ELP4: variants seen among roughly 807,000 people sequenced by gnomAD.
ELP4 encodes the protein elongator acetyltransferase complex subunit 4, also known as elongator complex protein 4.
ELP4 carries 51 observed loss-of-function variants against 48.9 expected under a neutral mutation model. The ratio of observed to expected loss-of-function variants is 1.04; its 90% CI spans 0.83 to 1.32. The LOEUF (loss-of-function observed/expected upper bound fraction) is 1.32. ELP4 is among the 40% of genes most tolerant of loss of function. The pLI is 0.00. For synonymous variants in ELP4, 210 were observed against 189.2 expected (o/e 1.11, Z -0.90); for missense variants, 519 against 514.6 (o/e 1.01, Z -0.08).
At chr11:31,765,309 A>T (rs1320893535) in intron 9 of ELP4, among the ~76,000 whole-genome samples, 1 of 152,194 alleles carries the variant, frequency 6.6e-6, no homozygotes, top group East Asian at 1.9e-4. Flanking sequence ...ATTGCTCCTT[A>T]TGATGCCTCT....
At chr11:31,566,592 C>A (rs898511447) in intron 3 of ELP4, among the ~76,000 whole-genome samples, 1 of 152,100 alleles carries the variant, frequency 6.6e-6, no homozygotes, top group Non-Finnish European at 1.5e-5. Flanking sequence ...ACACCATAAT[C>A]GGGTAAAATA....
chr11:31,745,434 T>A (rs920712255), intron 9 of ELP4, among the ~76,000 whole-genome samples: 23 of 152,150 alleles, frequency 1.5e-4, no homozygotes, highest in African/African-American at 5.3e-4. Context: ...CTTCGCCAAG[T>A]CAATCCTAAG....
At chr11:31,536,878 A>T (rs1248668023) in intron 2 of ELP4, among the ~76,000 whole-genome samples, 1 of 152,210 alleles carries the variant, frequency 6.6e-6, no homozygotes, top group African/African-American at 2.4e-5. Flanking sequence ...TATTCTGGAT[A>T]CCAGTCCTCT....
chr11:31,697,398 C>T (rs1057179860), intron 9 of ELP4, among the ~76,000 whole-genome samples: 2 of 151,980 alleles, frequency 1.3e-5, no homozygotes, highest in Non-Finnish European at 2.9e-5. Context: ...AAGAGGAAAG[C>T]CTCTTTTTTG....
At chr11:31,741,205 A>C (rs867963040) in intron 9 of ELP4, among the ~76,000 whole-genome samples, 1 of 152,172 alleles carries the variant, frequency 6.6e-6, no homozygotes, top group Non-Finnish European at 1.5e-5. Context: ...GGCGCCCGCC[A>C]TAGCCGAGTT....
At chr11:31,532,536 C>T (rs557455219) in intron 2 of ELP4, among the ~76,000 whole-genome samples, 10 of 152,040 alleles carry the variant, frequency 6.6e-5, no homozygotes, top group South Asian at 4.2e-4. Context: ...TAATTATCTA[C>T]GAGTACATAT....
At chr11:31,624,046 A>G (rs6484518) in intron 5 of ELP4, among the ~76,000 whole-genome samples, 91,908 of 151,570 alleles carry the variant, frequency 0.61, 31,625 homozygotes, top group Non-Finnish European at 0.76. Flanking sequence ...ACTGTTATCA[A>G]AAAGACAAAA....
intron 9 of ELP4, among the ~76,000 whole-genome samples, chr11:31,739,809 A>G (rs1300001094): frequency 6.6e-6 from 1 of 152,224 alleles, no homozygotes; most frequent in African/African-American, 2.4e-5. Flanking sequence ...TCAGACCACA[A>G]GGAAGTCCAT....
intron 9 of ELP4, among the ~76,000 whole-genome samples, chr11:31,750,460 C>T (rs1203364017): frequency 2.0e-5 from 3 of 152,006 alleles, no homozygotes; most frequent in African/African-American, 4.8e-5. Context: ...TTCCCTGTCA[C>T]GGTGGTCTTT....
chr11:31,559,290 C>T (rs1409272045), intron 3 of ELP4, among the ~76,000 whole-genome samples: 1 of 152,180 alleles, frequency 6.6e-6, no homozygotes, highest in Admixed American at 6.5e-5. Context: ...AAACTGACAC[C>T]TGCAGCAAGT....
At chr11:31,649,137 A>T (rs1266582995) in intron 8 of ELP4, 3 of 151,690 alleles carry the variant, frequency 2.0e-5, no homozygotes, top group Admixed American at 6.6e-5. Context: ...GGCCATTTCT[A>T]AAGCTAAGTA....
At chr11:31,762,267 G>T (rs1404888660) in intron 9 of ELP4, among the ~76,000 whole-genome samples, 1 of 152,058 alleles carries the variant, frequency 6.6e-6, no homozygotes, top group African/African-American at 2.4e-5. Flanking sequence ...CTGAGATTGA[G>T]GCAAAGTAGT....
chr11:31,530,883 C>T (rs1255256102), intron 2 of ELP4, among the ~76,000 whole-genome samples: 4 of 152,090 alleles, frequency 2.6e-5, no homozygotes, highest in South Asian at 2.1e-4. Flanking sequence ...GGTTGGTTGA[C>T]TACTGTGGAA....
intron 3 of ELP4, among the ~76,000 whole-genome samples, chr11:31,563,250 A>G (rs953918406): frequency 2.6e-5 from 4 of 152,148 alleles, no homozygotes; most frequent in Non-Finnish European, 5.9e-5. Flanking sequence ...AGAGAGGAGT[A>G]TGATGCCCAT....
At chr11:31,575,244 A>C (rs1228512204) in intron 3 of ELP4, among the ~76,000 whole-genome samples, 1 of 152,218 alleles carries the variant, frequency 6.6e-6, no homozygotes, top group East Asian at 1.9e-4. Context: ...TAGAGAAAAA[A>C]GACTAAAAAG....
At chr11:31,777,478 T>G (rs1213026498) in intron 9 of ELP4, among the ~76,000 whole-genome samples, 1 of 152,250 alleles carries the variant, frequency 6.6e-6, no homozygotes, top group Non-Finnish European at 1.5e-5. Context: ...AGTGAATGCT[T>G]CTGGATGGTG....
chr11:31,759,240 C>G (rs1947895738), intron 9 of ELP4, among the ~76,000 whole-genome samples: 1 of 152,164 alleles, frequency 6.6e-6, no homozygotes, highest in African/African-American at 2.4e-5. Context: ...CTTTCCCACA[C>G]ATATTTCCTT....
rs770011507 is a variant in ELP4 at position 31,739,893 on chromosome 11, T to G, written c.1144-43500T>G. ...ACATATTTACCTATTTATCAGAATATTTACTCATAGAGTCCCCATTTGCTT... is the reference window on the plus strand; with the variant it reads ...ACATATTTACCTATTTATCAGAATAGTTACTCATAGAGTCCCCATTTGCTT... On this transcript the variant is annotated intron_variant, in intron 9 of 9. Coordinates refer to ENST00000640961, the MANE Select transcript of ELP4 (RefSeq NM_019040.5). Among the ~76,000 whole-genome samples the G allele has an allele frequency of 2.6e-5, 4 of 152,206 alleles. No individual in the cohort carries two copies. The South Asian group carries it at 6.2e-4, about 24-fold the overall frequency.
rs1957550955 is a variant in ELP4, at chr11:31,590,569, A to G, written c.382-4201A>G. ...AGAAAGAAACAGATAAGTTGGGTGT[A>G]TTCGGCCATTCTCAAATTGTTATAA... On this transcript the variant is annotated intron_variant, in intron 3 of 9. Transcript: ENST00000640961. Among the ~76,000 whole-genome samples the G allele has an allele frequency of 2.0e-5, 3 of 152,208 alleles. 1 individual carries two copies. In the South Asian group the frequency reaches 6.2e-4, roughly 31 times the overall value.
Sources: allele counts gnomAD v4.1 joint callset (sites outside exome capture counted in the v4.1 genomes callset), GRCh38; gene constraint gnomAD v4.1.1; transcripts MANE v1.5; gene names NCBI Gene and HGNC (gene_info 2026-07-23, HGNC 2026-07-21).